Variants in LIN28B observed in about 807,000 individuals in gnomAD.
LIN28B encodes protein lin-28 homolog B.
LIN28B carries 5 observed loss-of-function variants against 21.9 expected under a neutral mutation model. The observed-to-expected ratio is 0.23, with a 90% confidence interval of 0.12 to 0.48. The LOEUF is 0.48. Among genes scored for constraint, LIN28B ranks in the 20% least tolerant of loss-of-function variants. LIN28B has a pLI of 0.98. For missense variants in LIN28B, 245 were observed against 310.5 expected (o/e 0.79, Z 1.58); for synonymous variants, 109 against 111.3 (o/e 0.98, Z 0.13).
chr6:105,073,400 T>C (rs1411112595), intron 3 of LIN28B, among the ~76,000 whole-genome samples: 1 of 152,128 alleles, frequency 6.6e-6, no homozygotes, highest in Non-Finnish European at 1.5e-5. Flanking sequence ...TATTAATCCT[T>C]TTTTTAGTCC....
rs1218356542 is a variant in LIN28B at position 104,982,254 on chromosome 6, C to T, written c.198+23968C>T. ...GCTTGAACCAGGGAGGCAGAGGTTG[C>T]GGTGATCTGAGATTGCGCCATTGCA... On this transcript the variant is annotated intron_variant, in intron 2 of 3. Transcript: ENST00000345080. Among the ~76,000 whole-genome samples, 3 of 149,622 alleles carry T rather than the reference C, an allele frequency of 2.0e-5. No homozygotes were observed. The Admixed American group carries it at 2.0e-4, about 10-fold the overall frequency.
At chr6:104,996,811 T>C (rs1422203700) in intron 2 of LIN28B, among the ~76,000 whole-genome samples, 1 of 152,116 alleles carries the variant, frequency 6.6e-6, no homozygotes, top group African/African-American at 2.4e-5. Flanking sequence ...CAAATAACTT[T>C]ATTTTTCTTA....
At chr6:105,049,881 G>C (rs1410845277) in intron 3 of LIN28B, among the ~76,000 whole-genome samples, 1 of 57,986 alleles carries the variant, frequency 1.7e-5, no homozygotes, top group Non-Finnish European at 5.6e-5. Flanking sequence ...CCTTTATTTT[G>C]AGCCTATGTG....
intron 3 of LIN28B, among the ~76,000 whole-genome samples, chr6:105,035,816 T>G (rs1771510130): frequency 6.6e-6 from 1 of 152,170 alleles, no homozygotes; most frequent in African/African-American, 2.4e-5. Context: ...TATACTTAAT[T>G]TAAATTTAAA....
At chr6:104,941,990 A>G (rs925833920) in intron 2 of LIN28B, among the ~76,000 whole-genome samples, 1 of 152,196 alleles carries the variant, frequency 6.6e-6, no homozygotes, top group Non-Finnish European at 1.5e-5. Flanking sequence ...GTTTCATGTA[A>G]CACAGAATGA....
chr6:105,074,326 T>C (rs1772383524), intron 3 of LIN28B, among the ~76,000 whole-genome samples: 1 of 152,122 alleles, frequency 6.6e-6, no homozygotes, highest in South Asian at 2.1e-4. Flanking sequence ...GCCTCCCAAG[T>C]AGCTGGGACT....
chr6:105,045,648 A>G (rs1371094031), intron 3 of LIN28B: 2 of 152,190 alleles, frequency 1.3e-5, no homozygotes, highest in Non-Finnish European at 2.9e-5. Flanking sequence ...ATTTTAGTAT[A>G]TGTGCTGGCA....
chr6:105,068,579 G>T (rs1416809144), intron 3 of LIN28B, among the ~76,000 whole-genome samples: 1 of 152,108 alleles, frequency 6.6e-6, no homozygotes, highest in Non-Finnish European at 1.5e-5. Context: ...TGCTTGTTAC[G>T]CTGAATAGTA....
chr6:104,995,479 G>T (rs529059953), intron 2 of LIN28B, among the ~76,000 whole-genome samples: 27 of 152,286 alleles, frequency 1.8e-4, no homozygotes, highest in African/African-American at 5.5e-4. Context: ...TGCAGGCCCT[G>T]TGACCATCCA....
At chr6:105,015,757 A>G (rs978026757) in intron 2 of LIN28B, among the ~76,000 whole-genome samples, 3 of 152,208 alleles carry the variant, frequency 2.0e-5, no homozygotes, top group African/African-American at 7.2e-5. Context: ...AATGAAAATT[A>G]GTTCTTGTAG....
At chr6:104,978,288 G>A (rs1050898587) in intron 2 of LIN28B, among the ~76,000 whole-genome samples, 7 of 152,098 alleles carry the variant, frequency 4.6e-5, no homozygotes, top group Non-Finnish European at 1.0e-4. Flanking sequence ...CTCTTTTTAA[G>A]TCCAAAAAAC....
At chr6:105,027,781 C>G (rs895191525) in intron 3 of LIN28B, among the ~76,000 whole-genome samples, 1 of 151,994 alleles carries the variant, frequency 6.6e-6, no homozygotes, top group Admixed American at 6.6e-5. Context: ...TATCTCTTCT[C>G]TTTATAATCT....
intron 3 of LIN28B, among the ~76,000 whole-genome samples, chr6:105,056,194 T>C (rs1772018789): frequency 6.6e-6 from 1 of 152,096 alleles, no homozygotes; most frequent in Non-Finnish European, 1.5e-5. Flanking sequence ...TTGGGTCTTT[T>C]TAAGATCTTG....
At chr6:104,937,687 C>G (rs1396864669) in intron 2 of LIN28B, among the ~76,000 whole-genome samples, 1 of 152,144 alleles carries the variant, frequency 6.6e-6, no homozygotes, top group South Asian at 2.1e-4. Flanking sequence ...GGTTTGCTTT[C>G]ATACACTCCA....
intron 2 of LIN28B, among the ~76,000 whole-genome samples, chr6:104,978,671 G>A (rs1358581371): frequency 6.6e-6 from 1 of 152,026 alleles, no homozygotes; most frequent in Non-Finnish European, 1.5e-5. Flanking sequence ...CCTGTAGCAG[G>A]TAAGTGGGAC....
intron 2 of LIN28B, among the ~76,000 whole-genome samples, chr6:104,965,114 T>C (rs1769828260): frequency 6.6e-6 from 1 of 152,254 alleles, no homozygotes; most frequent in African/African-American, 2.4e-5. Flanking sequence ...GCTGGTCTTT[T>C]ATGTGCTTTC....
intron 1 of LIN28B, among the ~76,000 whole-genome samples, chr6:104,957,852 G>C (rs1000276608): frequency 6.6e-6 from 1 of 151,978 alleles, no homozygotes; most frequent in African/African-American, 2.4e-5. Context: ...ATAAGTACAC[G>C]TATGTATAGA....
At chr6:105,005,013 AAC>A (rs1370381620) in intron 2 of LIN28B, among the ~76,000 whole-genome samples, 1 of 152,174 alleles carries the variant, frequency 6.6e-6, no homozygotes, top group Non-Finnish European at 1.5e-5. Context: ...GTTTTGATTG[AAC>A]ATATCTTTAA....
intron 2 of LIN28B, among the ~76,000 whole-genome samples, chr6:104,981,078 C>T (rs914601634): frequency 6.6e-6 from 1 of 152,146 alleles, no homozygotes; most frequent in African/African-American, 2.4e-5. Context: ...ATAAAGGATG[C>T]AGGACATAGC....
Sources: gnomAD v4.1 joint callset for allele counts (sites outside exome capture counted in the v4.1 genomes callset) on GRCh38, gnomAD v4.1.1 for gene constraint, MANE v1.5 for transcripts, NCBI Gene and HGNC (gene_info 2026-07-23, HGNC 2026-07-21) for gene names.